SERAC1: variants seen among roughly 807,000 people sequenced by gnomAD.
SERAC1 encodes serine active site containing 1.
In SERAC1, 36 loss-of-function variants were observed where a neutral mutation model predicts 85.7. That is an observed-to-expected ratio of 0.42 (90% confidence interval 0.32 to 0.55). SERAC1 has a LOEUF of 0.55. SERAC1 is among the 20% of genes least tolerant of loss of function. SERAC1 has a pLI of 0.11. For missense variants in SERAC1, 629 were observed against 796.2 expected (o/e 0.79, Z 2.53); for synonymous variants, 242 against 265.3 (o/e 0.91, Z 0.85).
intron 5 of SERAC1, 60 bp from the exon 6 acceptor site, chr6:158,146,973 C>T: frequency 6.5e-7 from 1 of 1,545,506 alleles, no homozygotes; most frequent in South Asian, 1.1e-5. Flanking sequence ...TTTATCTTCA[C>T]TTTAAGATGG....
rs1562428907 is a variant in SERAC1 at position 158,111,350 on chromosome 6, TG to T, written c.*15del. The T allele has an allele frequency of 6.4e-6, 10 of 1,565,216 alleles. No individual in the cohort carries two copies. The highest frequency in any genetic ancestry group is 6.0e-5 in the South Asian group (5 of 83,280). On this transcript the variant is annotated 3_prime_UTR_variant, in exon 17 of 17. Transcript: ENST00000647468. ...TTGCACTGAATTCACATATGAAAAC[TG>T]GAAGAGCACAACTGTTAGTTTTCAA...
In SERAC1 at chr6:158,160,215, CT is replaced by C. The variant is rs1298913428; in HGVS notation, c.-1-1852del. Reference sequence around the variant, plus strand: ...TTGTCGATTTACCCCTTTTGTTGTCCTTTTTTTTTTTATTCATTAAGCAAAT... The same window carrying C: ...TTGTCGATTTACCCCTTTTGTTGTCCTTTTTTTTTTATTCATTAAGCAAAT... On this transcript the variant is annotated intron_variant, in intron 1 of 16. Transcript: ENST00000647468. 5.8e-3 allele frequency among the ~76,000 whole-genome samples: 848 copies of C among 145,866 alleles called. 21 individuals are homozygous for C. Among genetic ancestry groups the C allele is most frequent in the Admixed American group, 0.045 (653 of 14,558 alleles).
In SERAC1 at chr6:158,154,117, G is replaced by A. The variant is rs573043752; in HGVS notation, c.128+1198C>T. 1.2e-4 allele frequency among the ~76,000 whole-genome samples: 16 copies of A among 135,906 alleles called. No individual in the cohort carries two copies. The South Asian group carries it at 3.0e-3, about 25-fold the overall frequency. 89.2% of individuals were successfully genotyped at this position (135,906 alleles called of 152,430 possible). ...AGAGGCTGCACTGAGTGGAGATCACGCTACTGCACTCTAGCCTGGGTGACA... is the reference window on the plus strand; with the variant it reads ...AGAGGCTGCACTGAGTGGAGATCACACTACTGCACTCTAGCCTGGGTGACA... On this transcript the variant is annotated intron_variant, in intron 3 of 16. Transcript: ENST00000647468.
At chr6:158,121,187 G>A (rs1355680968) in intron 10 of SERAC1, among the ~76,000 whole-genome samples, 1 of 151,748 alleles carries the variant, frequency 6.6e-6, no homozygotes, top group African/African-American at 2.4e-5. Context: ...AAAAGTACAT[G>A]TGCACACACA....
At chr6:158,158,505 TAAAA>T in intron 1 of SERAC1, 141 bp from the exon 2 acceptor site, 1 of 505,478 alleles carries the variant, frequency 2.0e-6, no homozygotes, top group Non-Finnish European at 3.4e-6. Flanking sequence ...ACTTTCCAAT[TAAAA>T]AAAAAATTCT....
chr6:158,131,361 ATATATT>A (rs1461877344), intron 8 of SERAC1, among the ~76,000 whole-genome samples: 2 of 147,280 alleles, frequency 1.4e-5, no homozygotes, highest in Non-Finnish European at 3.0e-5. Flanking sequence ...CTAATATACT[ATATATT>A]TATATCTATA....
chr6:158,148,805 A>G (rs1229989337), intron 5 of SERAC1, 60 bp downstream of exon 5: 2 of 1,198,676 alleles, frequency 1.7e-6, no homozygotes, highest in Non-Finnish European at 2.4e-6. Flanking sequence ...TATCAGGTTG[A>G]TCATTCCAAT....
intron 1 of SERAC1, among the ~76,000 whole-genome samples, chr6:158,167,454 C>T (rs957524853): frequency 6.8e-6 from 1 of 146,400 alleles, no homozygotes; most frequent in African/African-American, 2.5e-5. Flanking sequence ...AGGATAATTG[C>T]TTGAACCCAG....
rs750046601 is a variant in SERAC1, at chr6:158,143,047, T to G, written c.738+9A>C. On this transcript the variant is annotated intron_variant, in intron 8 of 16. Transcript: ENST00000647468. ...CAAAAATATTTACTGAATGAATACATGAACTAACCTTCTGAGCAGCTAGAC... is the reference window on the plus strand; with the variant it reads ...CAAAAATATTTACTGAATGAATACAGGAACTAACCTTCTGAGCAGCTAGAC... 3.1e-6 allele frequency: 5 copies of G among 1,602,536 alleles called. No homozygotes were observed. The highest frequency in any genetic ancestry group is 4.3e-6 in the Non-Finnish European group (5 of 1,174,254).
chr6:158,132,950 T>G (rs1277760120), intron 8 of SERAC1, among the ~76,000 whole-genome samples: 1 of 152,032 alleles, frequency 6.6e-6, no homozygotes, highest in Non-Finnish European at 1.5e-5. Flanking sequence ...AAAAATAATT[T>G]TATAAGGATT....
chr6:158,115,968 T>C (rs1784277477), intron 14 of SERAC1, among the ~76,000 whole-genome samples: 1 of 152,238 alleles, frequency 6.6e-6, no homozygotes, highest in African/African-American at 2.4e-5. Flanking sequence ...CCCTCTTAGA[T>C]GATTTGTAAC....
chr6:158,133,553 T>C (rs556398926), intron 8 of SERAC1, among the ~76,000 whole-genome samples: 110 of 152,180 alleles, frequency 7.2e-4, no homozygotes, highest in African/African-American at 2.6e-3. Flanking sequence ...GCCCAGTTAA[T>C]TTTTTGTATT....
intron 5 of SERAC1, among the ~76,000 whole-genome samples, chr6:158,147,824 T>G (rs1223439203): frequency 6.9e-6 from 1 of 144,510 alleles, no homozygotes; most frequent in African/African-American, 2.6e-5. Context: ...ACATCACATC[T>G]AGATTCAATA....
At chr6:158,152,385 G>A (rs1320619704) in intron 3 of SERAC1, among the ~76,000 whole-genome samples, 1 of 152,082 alleles carries the variant, frequency 6.6e-6, no homozygotes, top group Non-Finnish European at 1.5e-5. Flanking sequence ...GCATGGTGGC[G>A]GGCGCCTGTA....
chr6:158,149,001 T>TTC, intron 4 of SERAC1, 47 bp from the exon 5 acceptor site: 1 of 1,436,964 alleles, frequency 7.0e-7, no homozygotes, highest in Non-Finnish European at 9.5e-7. Context: ...TATTTTTTTT[T>TTC]TCTTTTGAGA....
chr6:158,164,787 C>CCTTT (rs1255689645), intron 1 of SERAC1, among the ~76,000 whole-genome samples: 3 of 152,054 alleles, frequency 2.0e-5, no homozygotes, highest in African/African-American at 4.8e-5. Flanking sequence ...GACTACATCA[C>CCTTT]CTTTCTTTCT....
rs148467271 is a variant in SERAC1, at chr6:158,126,881, G to A, written c.1015+1227C>T. On this transcript the variant is annotated intron_variant, in intron 10 of 16. Coordinates refer to ENST00000647468, the MANE Select transcript of SERAC1 (RefSeq NM_032861.4). ...ACCTAGGCAACAAAGTAGGACCCCC[G>A]TCTCTACAAAAAGTTTTTCAAATTA... 3.9e-3 allele frequency among the ~76,000 whole-genome samples: 592 copies of A among 151,986 alleles called. 6 individuals are homozygous for A. Among genetic ancestry groups the A allele is most frequent in the African/African-American group, 0.014 (566 of 41,446 alleles).
In SERAC1 at chr6:158,117,790, C is replaced by A; in HGVS notation, c.1340G>T (p.Arg447Leu). 2 of 1,614,006 alleles carry A rather than the reference C, an allele frequency of 1.2e-6. No homozygotes were observed. Among genetic ancestry groups the A allele is most frequent in the South Asian group, 2.2e-5 (2 of 91,068 alleles). The change falls in exon 13 of 17, where the codon CGA becomes CTA. Residue 447 changes from arginine to leucine, a missense_variant. Transcript: ENST00000647468. This position sits in a 1 kb window ranked among gnomAD's most constrained non-coding sequence, Gnocchi z 4.3. ...GGTGTCATACTCCACAGATATAATTCGGAGAGCAGGACAGTCTTTTGCTAA... is the reference window on the plus strand; with the variant it reads ...GGTGTCATACTCCACAGATATAATTAGGAGAGCAGGACAGTCTTTTGCTAA... The part of the protein sequence containing the change: ...TWLAKDCPAL[R>L]IISVEYDTSL...
At chr6:158,115,420 G>A (rs1784262065) in intron 14 of SERAC1, among the ~76,000 whole-genome samples, 1 of 152,176 alleles carries the variant, frequency 6.6e-6, no homozygotes, top group South Asian at 2.1e-4. Context: ...TGTTCCTCTG[G>A]AGGCACCTTT....
Sources: allele counts gnomAD v4.1 joint callset (sites outside exome capture counted in the v4.1 genomes callset), GRCh38; gene constraint gnomAD v4.1.1; non-coding constraint Gnocchi (gnomAD v3.1); transcripts MANE v1.5; gene names NCBI Gene and HGNC (gene_info 2026-07-23, HGNC 2026-07-21).